The following DOCK9 variants were observed in gnomAD, a reference collection of about 807,000 sequenced individuals.
DOCK9 encodes dedicator of cytokinesis 9, also known as dedicator of cytokinesis protein 9.
Under a neutral mutation model 263.3 loss-of-function variants are expected in DOCK9, and 89 were observed. The observed-to-expected ratio is 0.34, with a 90% CI of 0.28 to 0.40. The LOEUF is 0.40. DOCK9 is among the 10% of genes least tolerant of loss of function. The pLI is 1.00. For missense variants in DOCK9, 2,140 were observed against 2,603.4 expected, an observed-to-expected ratio of 0.82 and a Z score of 3.87; for synonymous variants, 976 against 973.1, an observed-to-expected ratio of 1.00 and a Z score of -0.06.
At chr13:98,817,217 G>A (rs1024716778) in intron 45 of DOCK9, among the ~76,000 whole-genome samples, 1 of 152,106 alleles carries the variant, frequency 6.6e-6, no homozygotes, top group Non-Finnish European at 1.5e-5. Context: ...GTTTTTAACT[G>A]ATAGACTAAG....
chr13:98,888,200 A>G lies in DOCK9; in HGVS notation c.2001T>C (p.Ile667=). The change falls in exon 18 of 53, where the codon ATT becomes ATC. Residue 667 remains isoleucine, a synonymous_variant. Coordinates refer to ENST00000682017, the MANE Select transcript of DOCK9 (RefSeq NM_001366683.2). ...CTTCCTCATCTGAATCTTTGAATTC[A>G]ATGCAAATCGCAATATTTCTAGCCT... is the stretch of plus-strand genomic sequence containing the variant. ...FAKARNIAIC[I]EFKDSDEEDS... 6.2e-7 allele frequency: 1 copy of G among 1,610,456 alleles called. No individual in the cohort carries two copies. Among genetic ancestry groups the G allele is most frequent in the Non-Finnish European group, 8.5e-7 (1 of 1,178,214 alleles).
intron 1 of DOCK9, among the ~76,000 whole-genome samples, chr13:99,005,178 G>A (rs1218278116): frequency 1.3e-5 from 2 of 151,996 alleles, no homozygotes; most frequent in Non-Finnish European, 2.9e-5. Flanking sequence ...ATAAAGACAA[G>A]CTTGATCTAT....
intron 38 of DOCK9, among the ~76,000 whole-genome samples, chr13:98,841,615 AATTTTTTTT>A (rs1370008429): frequency 7.5e-4 from 113 of 151,158 alleles, no homozygotes; most frequent in Non-Finnish European, 1.4e-3. Flanking sequence ...TTATGAACAA[AATTTTTTTT>A]TTTTTTTTTT....
intron 1 of DOCK9, among the ~76,000 whole-genome samples, chr13:98,990,362 T>A (rs150757593): frequency 1.2e-3 from 184 of 152,352 alleles, no homozygotes; most frequent in Non-Finnish European, 2.2e-3. Context: ...GATATAACTT[T>A]CATGAGCTTG....
chr13:99,015,707 G>C, intron 1 of DOCK9: 2 of 1,427,784 alleles, frequency 1.4e-6, no homozygotes, highest in Non-Finnish European at 9.1e-7. Context: ...TACCATCTTC[G>C]TGACAAGCAG....
intron 1 of DOCK9, among the ~76,000 whole-genome samples, chr13:98,972,023 G>A (rs182597658): frequency 9.2e-5 from 14 of 152,194 alleles, no homozygotes; most frequent in Admixed American, 4.6e-4. Context: ...AAGTGAATAC[G>A]TTCATTTTTG....
chr13:99,003,543 G>A (rs1219825171), intron 1 of DOCK9, among the ~76,000 whole-genome samples: 1 of 152,176 alleles, frequency 6.6e-6, no homozygotes, highest in African/African-American at 2.4e-5. Flanking sequence ...AACTCAAGAT[G>A]TCTGGAACTG....
intron 1 of DOCK9, among the ~76,000 whole-genome samples, chr13:98,969,876 A>T (rs1489405407): frequency 4.6e-5 from 7 of 152,242 alleles, no homozygotes; most frequent in Admixed American, 1.3e-4. Flanking sequence ...TGAGGTCAGC[A>T]GGCAAATTCA....
chr13:99,068,445 C>T (rs1045817318), intron 1 of DOCK9, among the ~76,000 whole-genome samples: 2 of 152,106 alleles, frequency 1.3e-5, no homozygotes, highest in Non-Finnish European at 2.9e-5. Flanking sequence ...ATTAGCTGGG[C>T]ACAGTGGTGG....
intron 1 of DOCK9, among the ~76,000 whole-genome samples, chr13:99,065,607 C>T (rs1179258774): frequency 2.0e-5 from 3 of 152,226 alleles, no homozygotes; most frequent in East Asian, 3.8e-4. Flanking sequence ...AAGGCCTGTG[C>T]TCCTACGGGT....
intron 43 of DOCK9, among the ~76,000 whole-genome samples, chr13:98,828,897 G>A (rs1820680141): frequency 6.6e-6 from 1 of 152,122 alleles, no homozygotes; most frequent in African/African-American, 2.4e-5. Flanking sequence ...GGGAATGCTG[G>A]AATACCTACT....
intron 45 of DOCK9, among the ~76,000 whole-genome samples, chr13:98,819,193 T>C (rs1383862549): frequency 6.6e-6 from 1 of 151,922 alleles, no homozygotes; most frequent in East Asian, 1.9e-4. Flanking sequence ...GTTTGGGGGG[T>C]AAGGATGGGA....
At chr13:98,883,257 GTTTTT>G in intron 22 of DOCK9, 126 bp from the exon 23 acceptor site, 1 of 888,364 alleles carries the variant, frequency 1.1e-6, no homozygotes, top group Non-Finnish European at 1.7e-6. Flanking sequence ...TGTTGTTGCT[GTTTTT>G]TTTGAGACAG....
rs114621746 is a variant in DOCK9, at chr13:98,994,569, T to C, written c.130-39018A>G. On this transcript the variant is annotated intron_variant, in intron 1 of 32. Transcript: ENST00000427887. ...TTCTTCTGTGACAAAGGAATGTGTG[T>C]CCAGAGAGTTCAGTGTATTCATCCT... Among the ~76,000 whole-genome samples, 1,101 of 152,314 alleles carry C rather than the reference T, an allele frequency of 7.2e-3. 13 individuals are homozygous for C. Among genetic ancestry groups the C allele is most frequent in the African/African-American group, 0.026 (1,064 of 41,568 alleles).
At chr13:98,933,604 C>A (rs1225312485) in intron 2 of DOCK9, among the ~76,000 whole-genome samples, 1 of 152,228 alleles carries the variant, frequency 6.6e-6, no homozygotes, top group Non-Finnish European at 1.5e-5. Context: ...CCAGAGACTT[C>A]ATCCAATTAA....
chr13:98,863,475 C>T lies in DOCK9; in HGVS notation c.3360G>A (p.Glu1120=). The change falls in exon 31 of 53, where the codon GAG becomes GAA. Residue 1120 remains glutamate, a synonymous_variant. Coordinates refer to ENST00000682017, the MANE Select transcript of DOCK9 (RefSeq NM_001366683.2). ...GGAACTCCTGGAGGGCTGTCCCCACCTCCCTCAGTAACAGTCCCACCAAGA... is the reference window on the plus strand; with the variant it reads ...GGAACTCCTGGAGGGCTGTCCCCACTTCCCTCAGTAACAGTCCCACCAAGA... The part of the protein sequence containing the change: ...NHFLVGLLLR[E]VGTALQEFRE... The T allele has an allele frequency of 6.2e-7, 1 of 1,613,974 alleles. No homozygotes were observed. Among genetic ancestry groups the T allele is most frequent in the Non-Finnish European group, 8.5e-7 (1 of 1,179,884 alleles).
chr13:99,025,739 T>C (rs978381877), intron 1 of DOCK9, among the ~76,000 whole-genome samples: 3 of 152,232 alleles, frequency 2.0e-5, no homozygotes, highest in South Asian at 2.1e-4. Context: ...CAAAAACTTA[T>C]ACATGAATGC....
At chr13:98,971,056 G>T (rs1055415357) in intron 1 of DOCK9, among the ~76,000 whole-genome samples, 4 of 152,152 alleles carry the variant, frequency 2.6e-5, no homozygotes, top group African/African-American at 9.7e-5. Context: ...TCCATCCCAG[G>T]TTATTCTGAG....
chr13:98,814,085 T>A (rs1393724932), intron 45 of DOCK9, among the ~76,000 whole-genome samples: 1 of 152,232 alleles, frequency 6.6e-6, no homozygotes, highest in African/African-American at 2.4e-5. Flanking sequence ...CTACAAAGAT[T>A]ACAGATTCAA....
Sources: gnomAD v4.1 joint callset for allele counts (sites outside exome capture counted in the v4.1 genomes callset) on GRCh38, gnomAD v4.1.1 for gene constraint, MANE v1.5 for transcripts, NCBI Gene and HGNC (gene_info 2026-07-23, HGNC 2026-07-21) for gene names.